The following PACRGL variants were observed in gnomAD, a reference collection of about 807,000 sequenced individuals.
The protein encoded by PACRGL is PACRG-like protein.
Under a neutral mutation model 34.5 loss-of-function variants are expected in PACRGL, and 38 were observed. The ratio of observed to expected loss-of-function variants is 1.10; its 90% CI spans 0.85 to 1.44. The LOEUF (loss-of-function observed/expected upper bound fraction) is 1.44. Ranked by LOEUF, PACRGL falls within the 40% of genes most tolerant of loss-of-function variation. The pLI, the probability that PACRGL is intolerant of heterozygous loss-of-function variation, is 0.00. For synonymous variants in PACRGL, 128 were observed against 100.1 expected, an observed-to-expected ratio of 1.28 and a Z score of -1.66; for missense variants, 305 against 281.4, an observed-to-expected ratio of 1.08 and a Z score of -0.60.
At chr4:20,736,257 C>G (rs1749603824), downstream of PACRGL, among the ~76,000 whole-genome samples, 1 of 152,108 alleles carries the variant, frequency 6.6e-6, no homozygotes, top group Admixed American at 6.5e-5. Context: ...TCCACTTAAG[C>G]ATAAATCAGG....
chr4:20,712,620 CCA>C, intron 5 of PACRGL, 166 bp from the exon 6 acceptor site: 1 of 634,750 alleles, frequency 1.6e-6, no homozygotes, highest in Non-Finnish European at 2.3e-6. Flanking sequence ...ACCCTTTGTC[CCA>C]CAGTTTCTCA....
intron 8 of PACRGL, among the ~76,000 whole-genome samples, chr4:20,739,209 CCTGT>C (rs1197341282): frequency 1.3e-5 from 2 of 152,214 alleles, no homozygotes; most frequent in Admixed American, 1.3e-4. Context: ...CTTAAACATC[CCTGT>C]CTGACAGCTT....
chr4:20,754,406 G>C (rs980304282), downstream of PACRGL, among the ~76,000 whole-genome samples: 7 of 152,004 alleles, frequency 4.6e-5, 1 homozygote, highest in Middle Eastern at 0.021. Context: ...AAAAACTGTT[G>C]CATTCAGACC....
chr4:20,738,219 A>G (rs1750173246), intron 8 of PACRGL, among the ~76,000 whole-genome samples: 1 of 152,212 alleles, frequency 6.6e-6, no homozygotes, highest in Non-Finnish European at 1.5e-5. Flanking sequence ...ATTGCTGAGC[A>G]GTTTTGAAAG....
At chr4:20,749,224 G>A (rs931260312) in intron 8 of PACRGL, among the ~76,000 whole-genome samples, 3 of 151,072 alleles carry the variant, frequency 2.0e-5, no homozygotes, top group Non-Finnish European at 2.9e-5. Context: ...AGATTTCCTC[G>A]TAGAATTGTC....
chr4:20,714,908 G>T (rs1286813224), intron 7 of PACRGL, among the ~76,000 whole-genome samples: 1 of 152,090 alleles, frequency 6.6e-6, no homozygotes, highest in Non-Finnish European at 1.5e-5. Context: ...ATTTGACCCA[G>T]CCATCCCATT....
At position 20,731,568 on chromosome 4, in the gene PACRGL, A is replaced by G. The variant is rs1748222531; in HGVS notation, c.*4227A>G. ...ATTTCTTGTCCACATACACTAAAAC[A>G]ATGACTTTTCTCTTAGAAATCAGAT... On this transcript the variant is annotated 3_prime_UTR_variant, in exon 9 of 9. Transcript: ENST00000503585. The G allele has an allele frequency of 1.0e-6, 1 of 985,396 alleles. No individual in the cohort carries two copies. Among genetic ancestry groups the G allele is most frequent in the South Asian group, 4.7e-5 (1 of 21,282 alleles). 61.0% of individuals were successfully genotyped at this position (985,396 alleles called of 1,614,324 possible).
chr4:20,735,248 A>G (rs2149276335), downstream of PACRGL, among the ~76,000 whole-genome samples: 1 of 152,296 alleles, frequency 6.6e-6, no homozygotes, highest in African/African-American at 2.4e-5. Flanking sequence ...GACTGCCTGG[A>G]TTCACCCTCC....
intron 7 of PACRGL, 60 bp from the exon 8 acceptor site, chr4:20,724,748 G>A (rs1035068979): frequency 9.2e-5 from 86 of 938,610 alleles, no homozygotes; most frequent in Admixed American, 4.0e-4. Flanking sequence ...TTACTTATGC[G>A]TATGGTGAGC....
chr4:20,732,183 T>A lies in PACRGL; in HGVS notation c.*4842T>A. 1.4e-6 allele frequency: 1 copy of A among 708,824 alleles called. No homozygotes were observed. The highest frequency in any genetic ancestry group is 2.4e-6 in the Non-Finnish European group (1 of 419,888). 43.9% of individuals were successfully genotyped at this position (708,824 alleles called of 1,614,324 possible). On this transcript the variant is annotated 3_prime_UTR_variant, in exon 9 of 9. Coordinates refer to ENST00000503585, the MANE Select transcript of PACRGL (RefSeq NM_001258345.3). ...AACCTAGCTGCTTATTTATTTCACGTGGAGGAACTGTTTCAGAGCAGGAAC... is the reference window on the plus strand; with the variant it reads ...AACCTAGCTGCTTATTTATTTCACGAGGAGGAACTGTTTCAGAGCAGGAAC...
At position 20,729,795 on chromosome 4, in the gene PACRGL, G is replaced by T; in HGVS notation, c.*2454G>T. On this transcript the variant is annotated 3_prime_UTR_variant, in exon 9 of 9. Coordinates refer to ENST00000503585, the MANE Select transcript of PACRGL (RefSeq NM_001258345.3). ...ATGTGAAAGCCTCAATAATCCCATGGCTAAGGAACCAATAAAACTATATGC... is the reference window on the plus strand; with the variant it reads ...ATGTGAAAGCCTCAATAATCCCATGTCTAAGGAACCAATAAAACTATATGC... The T allele has an allele frequency of 3.4e-6, 1 of 296,132 alleles. No homozygotes were observed. 18.3% of individuals were successfully genotyped at this position (296,132 alleles called of 1,614,324 possible).
chr4:20,733,561 T>C (rs1389896494), downstream of PACRGL, among the ~76,000 whole-genome samples: 1 of 152,148 alleles, frequency 6.6e-6, no homozygotes. Flanking sequence ...GTGAAACCTT[T>C]TAAGATGTTT....
intron 8 of PACRGL, among the ~76,000 whole-genome samples, chr4:20,744,803 C>T (rs1481073038): frequency 1.3e-5 from 2 of 151,926 alleles, no homozygotes; most frequent in African/African-American, 4.8e-5. Context: ...AAAGATAGCA[C>T]GTTTAAGTCA....
chr4:20,755,547 A>G (rs1754334720), downstream of PACRGL, among the ~76,000 whole-genome samples: 1 of 152,188 alleles, frequency 6.6e-6, no homozygotes, highest in South Asian at 2.1e-4. Flanking sequence ...AAGTGGAGAA[A>G]TCCTCTGTTC....
chr4:20,740,553 T>A (rs934178729), intron 8 of PACRGL, among the ~76,000 whole-genome samples: 1 of 152,138 alleles, frequency 6.6e-6, no homozygotes, highest in East Asian at 1.9e-4. Context: ...CAGGCCTGCC[T>A]TACAAGAGCT....
chr4:20,758,572 T>C, the PACRGL span, among the ~76,000 whole-genome samples: 1 of 152,168 alleles, frequency 6.6e-6, no homozygotes, highest in Non-Finnish European at 1.5e-5. Flanking sequence ...CATTGTGCAT[T>C]TGAGAGCCAC....
Position 20,748,369 on chromosome 4 carries a change from G to C in PACRGL, c.*57-4196G>C, listed in dbSNP as rs192637732. Among the ~76,000 whole-genome samples the C allele has an allele frequency of 2.3e-3, 356 of 151,886 alleles. 8 individuals are homozygous for C. The South Asian group carries it at 0.047, about 20-fold the overall frequency. The stretch of plus-strand genomic sequence containing the variant: ...GCCTTTGTTCTCTTAAGGAGCTCCT[G>C]ACTGTCCTTTAGACAGTCCATCAGT... On this transcript the variant is annotated intron_variant, in intron 8 of 8. Coordinates refer to the PACRGL transcript ENST00000507634.
chr4:20,715,896 C>G (rs952013414), intron 7 of PACRGL, among the ~76,000 whole-genome samples: 1 of 152,020 alleles, frequency 6.6e-6, no homozygotes, highest in Non-Finnish European at 1.5e-5. Context: ...TGGATAAAAG[C>G]TAATGAATGG....
chr4:20,734,740 A>G (rs761104856), downstream of PACRGL: 8 of 1,500,192 alleles, frequency 5.3e-6, no homozygotes, highest in East Asian at 1.6e-4. Flanking sequence ...GAAATCCTGA[A>G]AAGAAATAAA....
Sources: allele counts gnomAD v4.1 joint callset (sites outside exome capture counted in the v4.1 genomes callset), GRCh38; gene constraint gnomAD v4.1.1; transcripts MANE v1.5; gene names NCBI Gene and HGNC (gene_info 2026-07-23, HGNC 2026-07-21).